DCC: variants seen among roughly 807,000 people sequenced by gnomAD.
The protein encoded by DCC is netrin receptor DCC.
A neutral mutation model predicts 172.5 loss-of-function variants in DCC; 58 were observed. That is an observed-to-expected ratio of 0.34 (90% confidence interval 0.27 to 0.42). The LOEUF (loss-of-function observed/expected upper bound fraction) is 0.42, where lower values mean the gene tolerates loss of function less well. Ranked by LOEUF, DCC falls within the 10% of genes least tolerant of loss-of-function variation. The pLI is 1.00. For missense variants in DCC, 1,740 were observed against 1,791.0 expected (o/e 0.97, Z 0.51); for synonymous variants, 709 against 644.5 (o/e 1.10, Z -1.52).
chr18:53,148,968 A>G (rs576700022), intron 7 of DCC, among the ~76,000 whole-genome samples: 32 of 150,712 alleles, frequency 2.1e-4, no homozygotes, highest in African/African-American at 7.1e-4. Context: ...GGTTCAAGCA[A>G]TTCTCTGCCT....
At chr18:52,469,309 C>T (rs1290515677) in intron 1 of DCC, among the ~76,000 whole-genome samples, 1 of 152,122 alleles carries the variant, frequency 6.6e-6, no homozygotes, top group Non-Finnish European at 1.5e-5. Context: ...CTGCCCACCT[C>T]AGGTGGCCAT....
intron 1 of DCC, among the ~76,000 whole-genome samples, chr18:52,409,930 C>T (rs917918995): frequency 6.6e-6 from 1 of 152,074 alleles, no homozygotes; most frequent in Non-Finnish European, 1.5e-5. Context: ...CACTGTTGCT[C>T]TTTTAAGGGC....
intron 13 of DCC, among the ~76,000 whole-genome samples, chr18:53,312,935 GGAA>G (rs2057294047): frequency 1.1e-5 from 1 of 91,556 alleles, no homozygotes; most frequent in Non-Finnish European, 2.9e-5. Context: ...GGGAGGGAAG[GGAA>G]AGGGAGGGGA....
At chr18:52,997,401 G>A (rs547146590) in intron 5 of DCC, among the ~76,000 whole-genome samples, 227 of 152,198 alleles carry the variant, frequency 1.5e-3, no homozygotes, top group Middle Eastern at 3.4e-3. Flanking sequence ...TTCAAAGATC[G>A]TAGAAGGCTA....
intron 17 of DCC, among the ~76,000 whole-genome samples, chr18:53,394,598 T>G (rs1289617382): frequency 6.6e-6 from 1 of 152,088 alleles, no homozygotes; most frequent in Non-Finnish European, 1.5e-5. Context: ...AGATATAATA[T>G]GGATGTTACA....
chr18:53,134,452 A>G (rs2043706996), intron 7 of DCC, among the ~76,000 whole-genome samples: 1 of 151,908 alleles, frequency 6.6e-6, no homozygotes, highest in South Asian at 2.1e-4. Context: ...AATAACATAC[A>G]CTCCTCTCAA....
chr18:52,614,645 G>GA (rs946446913), intron 1 of DCC, among the ~76,000 whole-genome samples: 2 of 151,828 alleles, frequency 1.3e-5, no homozygotes, highest in African/African-American at 4.8e-5. Flanking sequence ...ATGTGTCAGG[G>GA]AAAAAATAGA....
intron 7 of DCC, among the ~76,000 whole-genome samples, chr18:53,075,446 G>A (rs969601856): frequency 6.6e-6 from 1 of 151,846 alleles, no homozygotes; most frequent in African/African-American, 2.4e-5. Context: ...ACTGAGACCA[G>A]TGATAATAAT....
intron 1 of DCC, among the ~76,000 whole-genome samples, chr18:52,458,407 T>C (rs781488843): frequency 2.6e-5 from 4 of 152,182 alleles, no homozygotes; most frequent in Non-Finnish European, 2.9e-5. Context: ...CAGTACTCTA[T>C]GTCGTTCAAT....
intron 1 of DCC, among the ~76,000 whole-genome samples, chr18:52,694,081 T>C (rs929538908): frequency 6.6e-6 from 1 of 152,106 alleles, no homozygotes; most frequent in Non-Finnish European, 1.5e-5. Context: ...GTCATGTTAA[T>C]AGCATGTCCC....
At chr18:53,091,354 T>A (rs2043006085) in intron 7 of DCC, among the ~76,000 whole-genome samples, 2 of 147,816 alleles carry the variant, frequency 1.4e-5, no homozygotes, top group Admixed American at 6.8e-5. Flanking sequence ...TATATGAAAA[T>A]ATATATACTA....
chr18:52,491,953 G>A (rs938001569), intron 1 of DCC, among the ~76,000 whole-genome samples: 34 of 151,700 alleles, frequency 2.2e-4, no homozygotes, highest in African/African-American at 8.2e-4. Context: ...TTGGATAATA[G>A]GATATGATGA....
intron 1 of DCC, among the ~76,000 whole-genome samples, chr18:52,579,531 T>C (rs1309618339): frequency 1.3e-5 from 2 of 152,190 alleles, no homozygotes; most frequent in African/African-American, 4.8e-5. Flanking sequence ...TATAAGTGTG[T>C]GTGTATGTGT....
intron 12 of DCC, among the ~76,000 whole-genome samples, chr18:53,239,885 A>C (rs2144634715): frequency 6.6e-6 from 1 of 152,238 alleles, no homozygotes; most frequent in South Asian, 2.1e-4. Context: ...AAAGTGCTAC[A>C]TAAGTAGAAT....
In DCC at chr18:52,975,602, C is replaced by A. The variant is rs1301916890; in HGVS notation, c.985+50232C>A. Reference sequence around the variant, plus strand: ...TTTAGCTCCCACTTATAGGTGACAACATGTGGTATTTGGTTTTCTGTTCCT... The same window carrying A: ...TTTAGCTCCCACTTATAGGTGACAAAATGTGGTATTTGGTTTTCTGTTCCT... On this transcript the variant is annotated intron_variant, in intron 5 of 28. Transcript: ENST00000442544. Among the ~76,000 whole-genome samples the A allele has an allele frequency of 2.6e-5, 4 of 152,142 alleles. No individual in the cohort carries two copies. In the East Asian group the frequency reaches 7.7e-4, roughly 29 times the overall value.
At chr18:52,844,950 T>C (rs1444820608) in intron 2 of DCC, among the ~76,000 whole-genome samples, 2 of 152,214 alleles carry the variant, frequency 1.3e-5, no homozygotes, top group Non-Finnish European at 2.9e-5. Context: ...AAATATTCTT[T>C]GGTAAAGGAA....
intron 2 of DCC, among the ~76,000 whole-genome samples, chr18:52,762,472 CAA>C (rs10545448): frequency 3.7e-4 from 52 of 139,408 alleles, no homozygotes; most frequent in Middle Eastern, 3.8e-3. Context: ...GACCTTATCT[CAA>C]AAAAAAAAAA....
chr18:52,877,931 A>C (rs1028036487), intron 2 of DCC, among the ~76,000 whole-genome samples: 1 of 152,124 alleles, frequency 6.6e-6, no homozygotes, highest in Non-Finnish European at 1.5e-5. Context: ...ATGATAATGT[A>C]AAGAGTATAC....
rs114351191 is a variant in DCC, at chr18:52,889,365, G to A, written c.413-16679G>A. Among the ~76,000 whole-genome samples the A allele has an allele frequency of 7.1e-3, 1,087 of 152,186 alleles. 8 individuals are homozygous for A. Among genetic ancestry groups the A allele is most frequent in the African/African-American group, 0.015 (631 of 41,552 alleles). ...GTATGGAAGGACAGAAAGAAGTAACGAATGAAATATCAGGCTTTCAATAAT... is the reference window on the plus strand; with the variant it reads ...GTATGGAAGGACAGAAAGAAGTAACAAATGAAATATCAGGCTTTCAATAAT... On this transcript the variant is annotated intron_variant, in intron 2 of 28. Transcript: ENST00000442544.
Sources: gnomAD v4.1 joint callset for allele counts (sites outside exome capture counted in the v4.1 genomes callset) on GRCh38, gnomAD v4.1.1 for gene constraint, MANE v1.5 for transcripts, NCBI Gene and HGNC (gene_info 2026-07-23, HGNC 2026-07-21) for gene names.